LRRC7: variants seen among roughly 807,000 people sequenced by gnomAD.
LRRC7 encodes the protein leucine rich repeat containing 7, also known as leucine-rich repeat-containing protein 7.
A neutral mutation model predicts 175.7 loss-of-function variants in LRRC7; 23 were observed. That is an observed-to-expected ratio of 0.13 (90% CI 0.09 to 0.19). The LOEUF (loss-of-function observed/expected upper bound fraction) is 0.19, where lower values mean the gene tolerates loss of function less well. Ranked by LOEUF, LRRC7 falls within the 10% of genes least tolerant of loss-of-function variation. The pLI is 1.00. For synonymous variants in LRRC7, 685 were observed against 680.9 expected (o/e 1.01, Z -0.09); for missense variants, 1,354 against 1,904.7 (o/e 0.71, Z 5.38).
intron 8 of LRRC7, among the ~76,000 whole-genome samples, chr1:69,941,836 A>G (rs1365568243): frequency 6.6e-6 from 1 of 152,014 alleles, no homozygotes; most frequent in Non-Finnish European, 1.5e-5. Context: ...CCATGTGACA[A>G]ACATCGTGTA....
At chr1:69,753,650 C>T (rs983145661) in intron 2 of LRRC7, among the ~76,000 whole-genome samples, 7 of 151,848 alleles carry the variant, frequency 4.6e-5, no homozygotes, top group East Asian at 1.9e-4. Context: ...ATTTTACACC[C>T]GTATTCATTT....
chr1:69,923,146 C>T (rs1423074948), intron 7 of LRRC7, among the ~76,000 whole-genome samples: 3 of 152,128 alleles, frequency 2.0e-5, no homozygotes, highest in South Asian at 2.1e-4. Context: ...AGGACATGAA[C>T]TCTTCATTTT....
At chr1:70,071,788 C>A (rs895336688) in intron 23 of LRRC7, among the ~76,000 whole-genome samples, 1 of 152,058 alleles carries the variant, frequency 6.6e-6, no homozygotes, top group African/African-American at 2.4e-5. Flanking sequence ...GTTCAAGAGC[C>A]AAGATGGGTA....
intron 22 of LRRC7, among the ~76,000 whole-genome samples, chr1:70,047,901 G>A (rs1571167795): frequency 6.6e-6 from 1 of 151,840 alleles, no homozygotes; most frequent in East Asian, 1.9e-4. Context: ...TAATACTTAG[G>A]AACCAGAACA....
chr1:69,780,928 A>G (rs1351729706), intron 3 of LRRC7, among the ~76,000 whole-genome samples: 1 of 152,174 alleles, frequency 6.6e-6, no homozygotes, highest in African/African-American at 2.4e-5. Flanking sequence ...AAAAGGATTT[A>G]TCTTTTGAAA....
At chr1:69,657,748 AAATTTTGTCTAGG>A (rs1322447727) in intron 1 of LRRC7, among the ~76,000 whole-genome samples, 61 of 151,886 alleles carry the variant, frequency 4.0e-4, no homozygotes, top group Non-Finnish European at 7.4e-5. Context: ...TCCTATTTTA[AAATTTTGTCTAGG>A]AATAGTCCTG....
chr1:69,882,736 G>A (rs1404516022), intron 7 of LRRC7, among the ~76,000 whole-genome samples: 1 of 150,120 alleles, frequency 6.7e-6, no homozygotes, highest in Non-Finnish European at 1.5e-5. Flanking sequence ...CTAGCATTAG[G>A]TATATCTCCC....
intron 7 of LRRC7, among the ~76,000 whole-genome samples, chr1:69,881,999 C>T (rs1686659126): frequency 1.5e-5 from 2 of 135,194 alleles, no homozygotes; most frequent in Non-Finnish European, 3.1e-5. Flanking sequence ...AGAGTTCATA[C>T]GACTGAATAG....
intron 8 of LRRC7, among the ~76,000 whole-genome samples, chr1:69,951,189 C>T (rs979565716): frequency 2.0e-5 from 3 of 151,672 alleles, no homozygotes; most frequent in African/African-American, 7.2e-5. Flanking sequence ...AAAAAAAAAC[C>T]CGCAATATCA....
At chr1:69,813,730 C>T (rs891466512) in intron 4 of LRRC7, among the ~76,000 whole-genome samples, 2 of 151,998 alleles carry the variant, frequency 1.3e-5, no homozygotes, top group African/African-American at 4.8e-5. Context: ...CTTGGGTCTC[C>T]AGGGAAATCA....
intron 22 of LRRC7, among the ~76,000 whole-genome samples, chr1:70,049,067 T>C (rs1390127495): frequency 1.3e-5 from 2 of 152,126 alleles, no homozygotes; most frequent in Non-Finnish European, 2.9e-5. Flanking sequence ...CATCCACTGC[T>C]AGTTGGCTTA....
intron 7 of LRRC7, among the ~76,000 whole-genome samples, chr1:69,865,784 C>A: frequency 6.6e-6 from 1 of 151,966 alleles, no homozygotes; most frequent in Non-Finnish European, 1.5e-5. Flanking sequence ...CCGGCCCGAC[C>A]GTTCCTTTTA....
intron 7 of LRRC7, among the ~76,000 whole-genome samples, chr1:69,869,215 A>C (rs1353113442): frequency 6.6e-6 from 1 of 152,090 alleles, no homozygotes; most frequent in Non-Finnish European, 1.5e-5. Flanking sequence ...GAATCATGGC[A>C]AAACTCGGAT....
chr1:69,747,361 G>T (rs1372401557), intron 2 of LRRC7, among the ~76,000 whole-genome samples: 2 of 152,264 alleles, frequency 1.3e-5, no homozygotes, highest in South Asian at 2.1e-4. Context: ...GGGACATAAG[G>T]TGCCTGTATG....
At chr1:69,569,348 T>C (rs1251144893) in intron 1 of LRRC7, among the ~76,000 whole-genome samples, 1 of 151,910 alleles carries the variant, frequency 6.6e-6, no homozygotes, top group African/African-American at 2.4e-5. Flanking sequence ...CCCACACATC[T>C]CCTTTGTGTG....
intron 8 of LRRC7, among the ~76,000 whole-genome samples, chr1:69,960,034 T>G (rs988096071): frequency 2.0e-5 from 3 of 152,066 alleles, no homozygotes; most frequent in African/African-American, 7.2e-5. Context: ...CCTTTTTGAT[T>G]TTTTGGAATA....
In LRRC7 at chr1:69,741,231, TA is replaced by T. The variant is rs915402782; in HGVS notation, c.101-18952del. Reference sequence around the variant, plus strand: ...AATGCCAAGTTATGCTTAAATTTTTTAAAAAAAAGTTTTTTAATATAGATAT... The same window carrying T: ...AATGCCAAGTTATGCTTAAATTTTTTAAAAAAAGTTTTTTAATATAGATAT... On this transcript the variant is annotated intron_variant, in intron 2 of 26. Transcript: ENST00000651989. 8.6e-5 allele frequency among the ~76,000 whole-genome samples: 13 copies of T among 151,922 alleles called. No individual in the cohort carries two copies. In the South Asian group the frequency reaches 1.0e-3, roughly 12 times the overall value.
At chr1:70,102,816 A>G (rs115581708) in intron 25 of LRRC7, among the ~76,000 whole-genome samples, 2 of 152,220 alleles carry the variant, frequency 1.3e-5, no homozygotes, top group African/African-American at 4.8e-5. Flanking sequence ...GGAAAAGTCC[A>G]TAGAAGTTAA....
chr1:69,677,282 T>A (rs1041680733), intron 1 of LRRC7, among the ~76,000 whole-genome samples: 1 of 148,904 alleles, frequency 6.7e-6, no homozygotes, highest in African/African-American at 2.5e-5. Context: ...GTATCATACA[T>A]ATCATATATA....
Sources: allele counts gnomAD v4.1 joint callset (sites outside exome capture counted in the v4.1 genomes callset), GRCh38; gene constraint gnomAD v4.1.1; transcripts MANE v1.5; gene names NCBI Gene and HGNC (gene_info 2026-07-23, HGNC 2026-07-21).